Variants in RORA observed in about 807,000 individuals in gnomAD.
The protein encoded by RORA is RAR related orphan receptor A.
In RORA, 7 loss-of-function variants were observed where a neutral mutation model predicts 69.5. The observed-to-expected ratio is 0.10, with a 90% CI of 0.06 to 0.19. The LOEUF is 0.19. Among genes scored for constraint, RORA ranks in the 10% least tolerant of loss-of-function variants. The pLI is 1.00. For synonymous variants in RORA, 261 were observed against 240.8 expected, an observed-to-expected ratio of 1.08 and a Z score of -0.78; for missense variants, 457 against 663.0, an observed-to-expected ratio of 0.69 and a Z score of 3.41.
intron 1 of RORA, among the ~76,000 whole-genome samples, chr15:60,786,687 C>A (rs1275234022): frequency 6.6e-6 from 1 of 152,224 alleles, no homozygotes; most frequent in East Asian, 1.9e-4. Context: ...GATCCTGCTG[C>A]AAAACACACT....
chr15:60,968,317 C>A (rs966223091), intron 1 of RORA, among the ~76,000 whole-genome samples: 2 of 152,216 alleles, frequency 1.3e-5, no homozygotes, highest in Admixed American at 6.5e-5. Flanking sequence ...AGTCCTTAAA[C>A]ATACGCATGC....
chr15:61,007,170 A>T (rs181099456), intron 1 of RORA, among the ~76,000 whole-genome samples: 97 of 152,260 alleles, frequency 6.4e-4, no homozygotes, highest in Non-Finnish European at 5.9e-5. Flanking sequence ...CCAATTTGAT[A>T]TAGGGGTTAA....
intron 2 of RORA, among the ~76,000 whole-genome samples, chr15:60,669,246 G>A (rs1596111357): frequency 1.3e-5 from 2 of 152,130 alleles, no homozygotes; most frequent in Non-Finnish European, 1.5e-5. Flanking sequence ...CCTTAACACC[G>A]TGGAGTTAGA....
At chr15:60,624,378 T>C (rs339988) in intron 2 of RORA, among the ~76,000 whole-genome samples, 4,416 of 149,134 alleles carry the variant, frequency 0.03, 191 homozygotes, top group African/African-American at 0.1. Flanking sequence ...CTAAAGACCT[T>C]AGCATATCTT....
chr15:61,016,019 G>C (rs199942078), intron 1 of RORA, among the ~76,000 whole-genome samples: 2 of 152,172 alleles, frequency 1.3e-5, no homozygotes, highest in East Asian at 3.9e-4. Flanking sequence ...ATGACTGCAG[G>C]AACTAGCAGT....
At chr15:60,625,706 A>G (rs532544412) in intron 2 of RORA, among the ~76,000 whole-genome samples, 1 of 152,362 alleles carries the variant, frequency 6.6e-6, no homozygotes, top group African/African-American at 2.4e-5. Flanking sequence ...AGATGCAGAC[A>G]GTGTGTACAA....
At chr15:61,069,823 A>C (rs1322336673) in intron 1 of RORA, among the ~76,000 whole-genome samples, 1 of 152,238 alleles carries the variant, frequency 6.6e-6, no homozygotes, top group Non-Finnish European at 1.5e-5. Context: ...AGATAGATTT[A>C]AAACGAACTC....
At chr15:61,087,010 A>G (rs1265886206) in intron 1 of RORA, among the ~76,000 whole-genome samples, 3 of 152,152 alleles carry the variant, frequency 2.0e-5, no homozygotes, top group Non-Finnish European at 4.4e-5. Context: ...CATCTCTACA[A>G]AAAATTTAAA....
chr15:61,135,578 C>CAAAAAA, intron 1 of RORA, among the ~76,000 whole-genome samples: 1 of 112,292 alleles, frequency 8.9e-6, no homozygotes, highest in Non-Finnish European at 1.7e-5. Context: ...ATTTCCACAT[C>CAAAAAA]AAAAAAAAAA....
At chr15:60,931,598 A>G (rs1233607196) in intron 1 of RORA, among the ~76,000 whole-genome samples, 1 of 152,234 alleles carries the variant, frequency 6.6e-6, no homozygotes, top group Non-Finnish European at 1.5e-5. Flanking sequence ...GGCTGATGCC[A>G]AGACTTAATG....
chr15:60,664,210 C>A (rs999040352), intron 2 of RORA, among the ~76,000 whole-genome samples: 1 of 152,130 alleles, frequency 6.6e-6, no homozygotes, highest in Non-Finnish European at 1.5e-5. Context: ...ATGGAAAGTT[C>A]TTTGATTTAG....
chr15:60,894,139 G>A (rs975190085), intron 1 of RORA, among the ~76,000 whole-genome samples: 2 of 152,142 alleles, frequency 1.3e-5, no homozygotes, highest in Non-Finnish European at 2.9e-5. Flanking sequence ...CACGCGGCCC[G>A]CAGCCAGAGT....
chr15:60,942,122 G>C (rs1316760519), intron 1 of RORA, among the ~76,000 whole-genome samples: 1 of 151,846 alleles, frequency 6.6e-6, no homozygotes, highest in Non-Finnish European at 1.5e-5. Context: ...GATAGATCTG[G>C]TTGAAAACCA....
At chr15:60,669,329 A>G (rs1252279601) in intron 2 of RORA, among the ~76,000 whole-genome samples, 1 of 92,920 alleles carries the variant, frequency 1.1e-5, no homozygotes, top group East Asian at 3.3e-4. Flanking sequence ...CTCCTTCCCA[A>G]TAAGCGTTTT....
chr15:61,121,369 T>A (rs1171485890), intron 1 of RORA, among the ~76,000 whole-genome samples: 2 of 152,176 alleles, frequency 1.3e-5, no homozygotes, highest in Non-Finnish European at 2.9e-5. Flanking sequence ...TTACTAAATA[T>A]CATCAAATGA....
rs1461006797 is a variant in RORA at position 60,493,376 on chromosome 15, C to T, written c.*4079G>A. On this transcript the variant is annotated 3_prime_UTR_variant, in exon 11 of 11. Coordinates refer to ENST00000335670, the MANE Select transcript of RORA (RefSeq NM_134261.3). ...TTTCCCTGAGGGATCAAGGTACACC[C>T]GCAAGTGCTCTATGTACATATTGCA... 3 of 152,042 alleles carry T rather than the reference C, an allele frequency of 2.0e-5. No homozygotes were observed. The highest frequency in any genetic ancestry group is 2.9e-5 in the Non-Finnish European group (2 of 67,998). The allele number at this position is 152,042 out of a possible 1,614,324, so 9.4% of individuals were successfully genotyped here.
intron 1 of RORA, chr15:61,195,937 T>G (rs1487294939): frequency 6.6e-6 from 1 of 152,394 alleles, no homozygotes; most frequent in Non-Finnish European, 1.5e-5. Context: ...ACCTAATATG[T>G]ACGTGAAAAG....
chr15:61,130,000 G>A (rs972049372), intron 1 of RORA, among the ~76,000 whole-genome samples: 7 of 152,108 alleles, frequency 4.6e-5, no homozygotes, highest in African/African-American at 1.7e-4. Flanking sequence ...ACTCCAAACT[G>A]CTCTGCATGG....
chr15:60,536,070 C>G (rs1273063332), intron 2 of RORA, among the ~76,000 whole-genome samples: 2 of 152,202 alleles, frequency 1.3e-5, no homozygotes, highest in African/African-American at 2.4e-5. Flanking sequence ...GGCCACTGAT[C>G]TCAGTTTCAC....
Sources: allele counts gnomAD v4.1 joint callset (sites outside exome capture counted in the v4.1 genomes callset), GRCh38; gene constraint gnomAD v4.1.1; transcripts MANE v1.5; gene names NCBI Gene and HGNC (gene_info 2026-07-23, HGNC 2026-07-21).